ADRA1A: variants seen among roughly 807,000 people sequenced by gnomAD.
ADRA1A encodes the protein adrenoceptor alpha 1A.
ADRA1A carries 31 observed loss-of-function variants against 29.6 expected under a neutral mutation model. The observed-to-expected ratio is 1.05, with a 90% CI of 0.79 to 1.41. The LOEUF is 1.41. ADRA1A is among the 40% of genes most tolerant of loss of function. The pLI, the probability that ADRA1A is intolerant of heterozygous loss-of-function variation, is 0.00. For missense variants in ADRA1A, 619 were observed against 601.1 expected (o/e 1.03, Z -0.31); for synonymous variants, 311 against 254.3 (o/e 1.22, Z -2.12).
At chr8:26,807,819 G>A (rs1403627404) in intron 2 of ADRA1A, among the ~76,000 whole-genome samples, 2 of 152,142 alleles carry the variant, frequency 1.3e-5, no homozygotes, top group Admixed American at 6.5e-5. Flanking sequence ...AAAGAGGCCA[G>A]GACCCATCCA....
rs1181093501 is a variant in ADRA1A at position 26,831,489 on chromosome 8, C to G, written c.883+32598G>C. ...GCCCAGTACCAACCCCCTGCCCACACCCCACCACTGATCATGGCCAGTTTG... is the reference window on the plus strand; with the variant it reads ...GCCCAGTACCAACCCCCTGCCCACAGCCCACCACTGATCATGGCCAGTTTG... On this transcript the variant is annotated intron_variant, in intron 2 of 2. Transcript: ENST00000380573. The surrounding 1 kb of genome is among the most constrained non-coding windows in gnomAD (Gnocchi z 5.2). Among the ~76,000 whole-genome samples, 6 of 152,150 alleles carry G rather than the reference C, an allele frequency of 3.9e-5. No individual in the cohort carries two copies. The highest frequency in any genetic ancestry group is 9.7e-5 in the African/African-American group (4 of 41,426).
At chr8:26,861,354 A>G (rs1409983305) in intron 2 of ADRA1A, among the ~76,000 whole-genome samples, 1 of 128,930 alleles carries the variant, frequency 7.8e-6, no homozygotes, top group Non-Finnish European at 1.6e-5. Context: ...CCCAGGCTGG[A>G]GTGCAGGCAT....
intron 2 of ADRA1A, among the ~76,000 whole-genome samples, chr8:26,801,918 G>A (rs114256901): frequency 0.017 from 2,638 of 152,142 alleles, 69 homozygotes; most frequent in African/African-American, 0.057. Flanking sequence ...AAAACTGAAT[G>A]AAGAACCCAG....
intron 2 of ADRA1A, among the ~76,000 whole-genome samples, chr8:26,822,548 A>G (rs1165937965): frequency 1.3e-5 from 2 of 152,234 alleles, no homozygotes; most frequent in Non-Finnish European, 2.9e-5. Context: ...TAATCCTCAC[A>G]AGGTTGATGC....
chr8:26,811,645 T>G (rs1233448717), intron 2 of ADRA1A, among the ~76,000 whole-genome samples: 1 of 152,226 alleles, frequency 6.6e-6, no homozygotes, highest in East Asian at 1.9e-4. Context: ...CTTAAATTTC[T>G]TCTATGTTTT....
At chr8:26,774,458 C>T (rs1806398954) in intron 2 of ADRA1A, among the ~76,000 whole-genome samples, 1 of 152,132 alleles carries the variant, frequency 6.6e-6, no homozygotes, top group Non-Finnish European at 1.5e-5. Context: ...CACTTGACAC[C>T]AGGAGTTTGA....
Position 26,823,759 on chromosome 8 carries a change from G to A in ADRA1A, c.883+40328C>T, listed in dbSNP as rs1262541359. ...ACACCTCATATTCTTGCAACTTCAA[G>A]GGCACAACCACTCTCTGATGTGTGT... On this transcript the variant is annotated intron_variant, in intron 2 of 2. Transcript: ENST00000380573. This position sits in a 1 kb window ranked among gnomAD's most constrained non-coding sequence, Gnocchi z 4.2. Among the ~76,000 whole-genome samples, 1 of 152,120 alleles carries A rather than the reference G, an allele frequency of 6.6e-6. No individual in the cohort carries two copies. The highest frequency in any genetic ancestry group is 2.4e-5 in the African/African-American group (1 of 41,404).
At chr8:26,863,441 A>T (rs1428508354) in intron 2 of ADRA1A, among the ~76,000 whole-genome samples, 1 of 152,244 alleles carries the variant, frequency 6.6e-6, no homozygotes, top group African/African-American at 2.4e-5. Context: ...AAATAAAAAA[A>T]TAAGTATTTA....
intron 2 of ADRA1A, chr8:26,853,915 A>G (rs1327662133): frequency 1.3e-5 from 2 of 152,234 alleles, no homozygotes; most frequent in Non-Finnish European, 2.9e-5. Flanking sequence ...TGGAAAAGAT[A>G]GTTTTAAATA....
chr8:26,769,343 G>C lies in ADRA1A; in HGVS notation c.*806C>G. The C allele has an allele frequency of 1.0e-6, 1 of 985,286 alleles. No homozygotes were observed. The highest frequency in any genetic ancestry group is 1.2e-6 in the Non-Finnish European group (1 of 829,832). The allele number at this position is 985,286 out of a possible 1,614,324, so 61.0% of individuals were successfully genotyped here. On this transcript the variant is annotated 3_prime_UTR_variant, in exon 3 of 3. Transcript: ENST00000380573. ...TTAGAGAGAAAGCCTATCATCATCTGATCTTGGAACTGTTTAATGGATTTT... is the reference window on the plus strand; with the variant it reads ...TTAGAGAGAAAGCCTATCATCATCTCATCTTGGAACTGTTTAATGGATTTT...
At chr8:26,792,882 T>C (rs370603229) in intron 2 of ADRA1A, among the ~76,000 whole-genome samples, 61 of 151,200 alleles carry the variant, frequency 4.0e-4, no homozygotes, top group African/African-American at 1.4e-3. Context: ...AATATGTGAA[T>C]TACAAAAATA....
chr8:26,856,383 GA>G (rs1355955009), intron 2 of ADRA1A, among the ~76,000 whole-genome samples: 1 of 152,178 alleles, frequency 6.6e-6, no homozygotes, highest in East Asian at 1.9e-4. Flanking sequence ...TGATAATCTT[GA>G]AATGCTGTAT....
chr8:26,810,305 C>G (rs1430237065), intron 2 of ADRA1A, among the ~76,000 whole-genome samples: 3 of 152,200 alleles, frequency 2.0e-5, no homozygotes, highest in African/African-American at 7.2e-5. Context: ...TACAGAATGT[C>G]ATCATGACTA....
chr8:26,861,303 G>GTT (rs35538353), intron 2 of ADRA1A, among the ~76,000 whole-genome samples: 50,026 of 117,844 alleles, frequency 0.42, 12,522 homozygotes, highest in East Asian at 0.62. Context: ...CAGAGGCTCT[G>GTT]TTTTTTTTTT....
Position 26,775,989 on chromosome 8 carries a change from G to A in ADRA1A, c.884-5323C>T, listed in dbSNP as rs932117472. 6.6e-6 allele frequency among the ~76,000 whole-genome samples: 1 copy of A among 152,144 alleles called. No individual in the cohort carries two copies. Among genetic ancestry groups the A allele is most frequent in the Admixed American group, 6.5e-5 (1 of 15,268 alleles). ...AAATCTGACTTCATTTTTGAACTGG[G>A]GCTCATCTAATAGGCTTATGAGGGG... On this transcript the variant is annotated intron_variant, in intron 2 of 2. Coordinates refer to ENST00000380573, the MANE Select transcript of ADRA1A (RefSeq NM_000680.4). This position sits in a 1 kb window ranked among gnomAD's most constrained non-coding sequence, Gnocchi z 4.1.
Position 26,823,979 on chromosome 8 carries a change from G to A in ADRA1A, c.883+40108C>T, listed in dbSNP as rs1224437875. Among the ~76,000 whole-genome samples the A allele has an allele frequency of 6.6e-6, 1 of 152,118 alleles. No individual in the cohort carries two copies. The highest frequency in any genetic ancestry group is 1.5e-5 in the Non-Finnish European group (1 of 68,032). ...AAAGTATTGCCCTGGGCTGGAAAAT[G>A]GAGTGCCCAATGAATAGAGCTGCTT... On this transcript the variant is annotated intron_variant, in intron 2 of 2. Coordinates refer to ENST00000380573, the MANE Select transcript of ADRA1A (RefSeq NM_000680.4). This position sits in a 1 kb window ranked among gnomAD's most constrained non-coding sequence, Gnocchi z 4.2.
intron 2 of ADRA1A, among the ~76,000 whole-genome samples, chr8:26,758,952 A>G (rs1805354501): frequency 6.6e-6 from 1 of 152,210 alleles, no homozygotes; most frequent in Non-Finnish European, 1.5e-5. Flanking sequence ...ATCATGTGCA[A>G]AAACTTGGCA....
intron 2 of ADRA1A, among the ~76,000 whole-genome samples, chr8:26,850,106 C>T (rs1812517446): frequency 6.7e-6 from 1 of 149,692 alleles, no homozygotes; most frequent in African/African-American, 2.5e-5. Flanking sequence ...GAGCAGAGGA[C>T]ATCATCATTA....
chr8:26,788,690 T>C (rs1410026832), intron 2 of ADRA1A, among the ~76,000 whole-genome samples: 1 of 152,136 alleles, frequency 6.6e-6, no homozygotes, highest in East Asian at 1.9e-4. Flanking sequence ...GGGAGTTTAA[T>C]AATTTGCCAA....
Sources: gnomAD v4.1 joint callset for allele counts (sites outside exome capture counted in the v4.1 genomes callset) on GRCh38, gnomAD v4.1.1 for gene constraint, Gnocchi (gnomAD v3.1) non-coding constraint, MANE v1.5 for transcripts, NCBI Gene and HGNC (gene_info 2026-07-23, HGNC 2026-07-21) for gene names.